GAB2: variants seen among roughly 807,000 people sequenced by gnomAD.
GAB2 encodes GRB2 associated binding protein 2.
GAB2 carries 26 observed loss-of-function variants against 65.5 expected under a neutral mutation model. That is an observed-to-expected ratio of 0.40 (90% CI 0.29 to 0.55). The LOEUF (loss-of-function observed/expected upper bound fraction) is 0.55, where lower values mean the gene tolerates loss of function less well. GAB2 is among the 20% of genes least tolerant of loss of function. The pLI, the probability that GAB2 is intolerant of heterozygous loss-of-function variation, is 0.53. For missense variants in GAB2, 884 were observed against 875.8 expected, an observed-to-expected ratio of 1.01 and a Z score of -0.12; for synonymous variants, 321 against 329.6, an observed-to-expected ratio of 0.97 and a Z score of 0.28.
chr11:78,383,073 G>A (rs1856718073), intron 1 of GAB2, among the ~76,000 whole-genome samples: 1 of 152,136 alleles, frequency 6.6e-6, no homozygotes, highest in Non-Finnish European at 1.5e-5. Context: ...AGGAATTCAA[G>A]ACGAGCCTGA....
chr11:78,317,650 A>T (rs896212599), intron 1 of GAB2, among the ~76,000 whole-genome samples: 2 of 151,508 alleles, frequency 1.3e-5, no homozygotes, highest in Non-Finnish European at 2.9e-5. Flanking sequence ...TAATTTTTTT[A>T]AAAAGTAACA....
chr11:78,260,723 T>G (rs893499102), intron 2 of GAB2, among the ~76,000 whole-genome samples: 2 of 152,150 alleles, frequency 1.3e-5, no homozygotes, highest in African/African-American at 4.8e-5. Flanking sequence ...CTGCCCGCCT[T>G]GGCCTCCCAA....
At position 78,218,045 on chromosome 11, in the gene GAB2, C is replaced by T. The variant is rs1270112175; in HGVS notation, c.*1227G>A. 6.5e-6 allele frequency: 1 copy of T among 153,134 alleles called. No individual in the cohort carries two copies. The highest frequency in any genetic ancestry group is 1.5e-5 in the Non-Finnish European group (1 of 68,582). The allele number at this position is 153,134 out of a possible 1,614,324, so 9.5% of individuals were successfully genotyped here. A position where few individuals can be genotyped will look rare whatever the true frequency, so the allele number is the denominator to read the frequency against. On this transcript the variant is annotated 3_prime_UTR_variant, in exon 10 of 10. Coordinates refer to ENST00000361507, the MANE Select transcript of GAB2 (RefSeq NM_080491.3). ...CACTTTCTGCTCCACCCTGCACCCC[C>T]AAGGATTGCGTTGGGCACCCCCCAA...
chr11:78,307,906 A>G (rs1237056214), intron 1 of GAB2, among the ~76,000 whole-genome samples: 1 of 152,162 alleles, frequency 6.6e-6, no homozygotes, highest in Non-Finnish European at 1.5e-5. Flanking sequence ...AGAGACTGGC[A>G]TTTTAATCAG....
intron 2 of GAB2, among the ~76,000 whole-genome samples, chr11:78,259,040 G>A (rs1865668656): frequency 6.6e-6 from 1 of 151,784 alleles, no homozygotes; most frequent in Non-Finnish European, 1.5e-5. Flanking sequence ...CTACCCTCTG[G>A]TAGGCCCCTG....
At chr11:78,312,330 GTT>G (rs1855517566) in intron 1 of GAB2, among the ~76,000 whole-genome samples, 1 of 151,900 alleles carries the variant, frequency 6.6e-6, no homozygotes, top group Non-Finnish European at 1.5e-5. Context: ...ACAAAATACA[GTT>G]ACTTTGGGCC....
At chr11:78,261,862 C>T (rs752155212) in intron 2 of GAB2, among the ~76,000 whole-genome samples, 4 of 152,170 alleles carry the variant, frequency 2.6e-5, no homozygotes, top group Non-Finnish European at 5.9e-5. Flanking sequence ...GGAATCAATC[C>T]ATCAAGTGGG....
At chr11:78,236,227 T>G (rs1426977211) in intron 3 of GAB2, among the ~76,000 whole-genome samples, 1 of 152,228 alleles carries the variant, frequency 6.6e-6, no homozygotes, top group Non-Finnish European at 1.5e-5. Flanking sequence ...TTAAAATTTT[T>G]TCATTTTCCA....
At chr11:78,272,179 T>C (rs762821062) in intron 2 of GAB2, among the ~76,000 whole-genome samples, 2 of 152,238 alleles carry the variant, frequency 1.3e-5, no homozygotes, top group Non-Finnish European at 2.9e-5. Flanking sequence ...AGAAAATTGG[T>C]AGCAGTAGAG....
intron 1 of GAB2, among the ~76,000 whole-genome samples, chr11:78,367,769 T>C (rs1282532830): frequency 2.0e-5 from 3 of 151,924 alleles, no homozygotes; most frequent in Admixed American, 2.0e-4. Context: ...GCATTTAGCC[T>C]GAGCTCCTTC....
At chr11:78,365,168 G>A (rs995386022) in intron 1 of GAB2, among the ~76,000 whole-genome samples, 8 of 152,132 alleles carry the variant, frequency 5.3e-5, no homozygotes, top group African/African-American at 1.2e-4. Context: ...GTCTGGTAAC[G>A]GACTAGACAC....
chr11:78,261,253 A>G (rs1210391430), intron 2 of GAB2, among the ~76,000 whole-genome samples: 1 of 152,088 alleles, frequency 6.6e-6, no homozygotes, highest in Non-Finnish European at 1.5e-5. Flanking sequence ...ACACCACTGC[A>G]CTCCGGCCTG....
intron 1 of GAB2, among the ~76,000 whole-genome samples, chr11:78,355,411 A>C (rs1016714943): frequency 6.6e-6 from 1 of 152,022 alleles, no homozygotes; most frequent in Non-Finnish European, 1.5e-5. Flanking sequence ...TGGAAGGCCA[A>C]CTCTATTTGA....
At chr11:78,298,458 T>C (rs1452285648) in intron 1 of GAB2, among the ~76,000 whole-genome samples, 1 of 152,174 alleles carries the variant, frequency 6.6e-6, no homozygotes, top group African/African-American at 2.4e-5. Context: ...ACAAGATGAA[T>C]TTGATGTGTA....
Position 78,366,598 on chromosome 11 carries a change from A to AG in GAB2, c.75+51047_75+51048insC, listed in dbSNP as rs1175849486. Among the ~76,000 whole-genome samples, 88 of 148,390 alleles carry AG rather than the reference A, an allele frequency of 5.9e-4. 1 individual carries two copies. Among genetic ancestry groups the AG allele is most frequent in the African/African-American group, 1.9e-3 (78 of 40,866 alleles). ...AAGACTCCATCTCAAAAAAAAAAAA[A>AG]AAAAAAAAAAAGATGAGTACTAAAA... On this transcript the variant is annotated intron_variant, in intron 1 of 9. Coordinates refer to ENST00000361507, the MANE Select transcript of GAB2 (RefSeq NM_080491.3).
rs537345993 is a variant in GAB2, at chr11:78,292,771, T to A, written c.76-11870A>T. Among the ~76,000 whole-genome samples the A allele has an allele frequency of 1.2e-3, 177 of 152,354 alleles. 1 individual carries two copies. The highest frequency in any genetic ancestry group is 4.0e-3 in the African/African-American group (167 of 41,596). On this transcript the variant is annotated intron_variant, in intron 1 of 9. Coordinates refer to ENST00000361507, the MANE Select transcript of GAB2 (RefSeq NM_080491.3). ...TTCGACTACTCTGGACCATAGAGAC[T>A]TTATACTCTCTGAGGAAATTTTTAA...
chr11:78,371,969 A>G (rs1272221442), intron 1 of GAB2, among the ~76,000 whole-genome samples: 2 of 152,112 alleles, frequency 1.3e-5, no homozygotes, highest in African/African-American at 2.4e-5. Context: ...AAATCATACT[A>G]TATTTTGTAG....
intron 1 of GAB2, among the ~76,000 whole-genome samples, chr11:78,318,689 C>T (rs1438918985): frequency 1.3e-5 from 2 of 152,132 alleles, no homozygotes; most frequent in Non-Finnish European, 2.9e-5. Flanking sequence ...GACCTTGAAC[C>T]ACATTCTTAT....
At chr11:78,343,398 G>A (rs1856131041) in intron 1 of GAB2, among the ~76,000 whole-genome samples, 2 of 149,290 alleles carry the variant, frequency 1.3e-5, no homozygotes, top group Non-Finnish European at 3.0e-5. Flanking sequence ...GAGAGAGGGA[G>A]GGAGGGAGGG....
Sources: allele counts gnomAD v4.1 joint callset (sites outside exome capture counted in the v4.1 genomes callset), GRCh38; gene constraint gnomAD v4.1.1; transcripts MANE v1.5; gene names NCBI Gene and HGNC (gene_info 2026-07-23, HGNC 2026-07-21).